The following SETBP1 variants were observed in gnomAD, a reference collection of about 807,000 sequenced individuals.
The protein encoded by SETBP1 is SET-binding protein.
In SETBP1, 9 loss-of-function variants were observed where a neutral mutation model predicts 101.0. The ratio of observed to expected loss-of-function variants is 0.09; its 90% CI spans 0.05 to 0.16. The LOEUF (loss-of-function observed/expected upper bound fraction) is 0.16. Among genes scored for constraint, SETBP1 ranks in the 10% least tolerant of loss-of-function variants. The probability of loss-of-function intolerance (pLI) is 1.00; values close to 1 mark genes in which losing one functional copy is unlikely to be tolerated. For synonymous variants in SETBP1, 818 were observed against 788.5 expected (o/e 1.04, Z -0.63); for missense variants, 1,858 against 2,033.8 (o/e 0.91, Z 1.66).
chr18:44,707,288 G>A (rs529416059), intron 2 of SETBP1, among the ~76,000 whole-genome samples: 2 of 152,300 alleles, frequency 1.3e-5, no homozygotes, highest in East Asian at 3.9e-4. Flanking sequence ...AGCATAATCT[G>A]CCACATTTTC....
intron 3 of SETBP1, among the ~76,000 whole-genome samples, chr18:44,892,001 TGAG>T (rs1285667693): frequency 6.6e-6 from 1 of 152,038 alleles, no homozygotes; most frequent in Non-Finnish European, 1.5e-5. Flanking sequence ...ACTCAAAAGT[TGAG>T]GGGAGGAGAA....
intron 2 of SETBP1, among the ~76,000 whole-genome samples, chr18:44,779,934 G>GCA (rs573738760): frequency 6.7e-6 from 1 of 150,218 alleles, no homozygotes; most frequent in Non-Finnish European, 1.5e-5. Flanking sequence ...ACACACGCAC[G>GCA]CACACACACA....
At chr18:44,821,670 T>C (rs1040368101) in intron 2 of SETBP1, among the ~76,000 whole-genome samples, 4 of 152,234 alleles carry the variant, frequency 2.6e-5, no homozygotes, top group African/African-American at 9.6e-5. Context: ...CAGCTGAGTG[T>C]TAAATAAGTG....
intron 4 of SETBP1, among the ~76,000 whole-genome samples, chr18:45,002,028 C>T (rs1017435579): frequency 6.6e-6 from 1 of 152,096 alleles, no homozygotes; most frequent in Admixed American, 6.5e-5. Context: ...ACCACAGATC[C>T]GAAAAGTCTG....
intron 2 of SETBP1, among the ~76,000 whole-genome samples, chr18:44,808,276 CAT>C (rs1385586786): frequency 6.6e-6 from 1 of 152,212 alleles, no homozygotes; most frequent in Non-Finnish European, 1.5e-5. Flanking sequence ...CCCTCCTTCA[CAT>C]GTCTTTATAA....
chr18:44,993,879 G>T (rs1244624636), intron 4 of SETBP1, among the ~76,000 whole-genome samples: 1 of 152,068 alleles, frequency 6.6e-6, no homozygotes, highest in African/African-American at 2.4e-5. Flanking sequence ...CCCACTTTTA[G>T]ATGGATTACA....
chr18:44,744,638 CGCGACGACT>C (rs1441626502), intron 2 of SETBP1, among the ~76,000 whole-genome samples: 3 of 152,172 alleles, frequency 2.0e-5, no homozygotes, highest in South Asian at 2.1e-4. Flanking sequence ...CAGCGCCTGG[CGCGACGACT>C]GCTGGAAGCC....
intron 4 of SETBP1, among the ~76,000 whole-genome samples, chr18:45,036,015 G>GT (rs1423800499): frequency 1.3e-5 from 2 of 152,152 alleles, no homozygotes; most frequent in Admixed American, 6.5e-5. Flanking sequence ...ATATTTGTGG[G>GT]TTTTTTAAAT....
intron 4 of SETBP1, among the ~76,000 whole-genome samples, chr18:45,003,153 T>C (rs1033169099): frequency 5.9e-5 from 9 of 152,216 alleles, no homozygotes; most frequent in Admixed American, 4.6e-4. Flanking sequence ...TCTTTTAAAA[T>C]TATTCATCAG....
intron 2 of SETBP1, among the ~76,000 whole-genome samples, chr18:44,707,615 A>G (rs1341970541): frequency 1.3e-5 from 2 of 152,148 alleles, no homozygotes; most frequent in Non-Finnish European, 2.9e-5. Flanking sequence ...AGCATTCACA[A>G]TCTGCTTTTG....
chr18:44,800,375 G>C (rs898798083), intron 2 of SETBP1, among the ~76,000 whole-genome samples: 3 of 152,134 alleles, frequency 2.0e-5, no homozygotes, highest in African/African-American at 7.2e-5. Flanking sequence ...GATTTATATT[G>C]GGATTCTGTT....
In SETBP1 at chr18:45,066,758, CTTGATT is replaced by C. The variant is rs1482845246; in HGVS notation, c.*3063_*3068del. ...AAATATTTCATTATAAGAGAAACCC[CTTGATT>C]TTTATTTCTTTTTCTTTTGTTTTCT... On this transcript the variant is annotated 3_prime_UTR_variant, in exon 6 of 6. Coordinates refer to ENST00000649279, the MANE Select transcript of SETBP1 (RefSeq NM_015559.3). 2 of 151,788 alleles carry C rather than the reference CTTGATT, an allele frequency of 1.3e-5. No individual in the cohort carries two copies. The highest frequency in any genetic ancestry group is 2.9e-5 in the Non-Finnish European group (2 of 67,968). 9.4% of individuals were successfully genotyped at this position (151,788 alleles called of 1,614,324 possible).
intron 1 of SETBP1, among the ~76,000 whole-genome samples, chr18:44,696,775 G>A (rs377417272): frequency 3.5e-4 from 54 of 152,200 alleles, no homozygotes; most frequent in African/African-American, 1.2e-3. Flanking sequence ...CACAAAGTGT[G>A]GGTAAAAGAC....
chr18:45,059,161 GC>G (rs1196247609), intron 5 of SETBP1, among the ~76,000 whole-genome samples: 4 of 152,180 alleles, frequency 2.6e-5, no homozygotes. Context: ...ATCAACTTCA[GC>G]TTCAACAATA....
chr18:45,041,218 C>A (rs1465509258), intron 5 of SETBP1, among the ~76,000 whole-genome samples: 1 of 152,178 alleles, frequency 6.6e-6, no homozygotes, highest in Non-Finnish European at 1.5e-5. Context: ...TAAATATGGA[C>A]TTCTACTTCT....
In SETBP1 at chr18:44,951,461, C is replaced by A; in HGVS notation, c.2121C>A (p.Ser707Arg). 2 of 1,614,084 alleles carry A rather than the reference C, an allele frequency of 1.2e-6. No individual in the cohort carries two copies. Among genetic ancestry groups the A allele is most frequent in the Non-Finnish European group, 1.7e-6 (2 of 1,180,038 alleles). ...ETSPGAAAIESKLGKQINVSK... is the reference protein window; with the variant it reads ...ETSPGAAAIERKLGKQINVSK... Reference sequence around the variant, plus strand: ...GCCCTGGGGCAGCAGCCATTGAAAGCAAACTGGGCAAGCAGATTAATGTCA... The same window carrying A: ...GCCCTGGGGCAGCAGCCATTGAAAGAAAACTGGGCAAGCAGATTAATGTCA... Residue 707 changes from serine (S) to arginine (R), a missense_variant, in exon 4 of 6, where the codon AGC becomes AGA. Coordinates refer to ENST00000649279, the MANE Select transcript of SETBP1 (RefSeq NM_015559.3). The surrounding 1 kb of genome is among the most constrained non-coding windows in gnomAD (Gnocchi z 7.8).
chr18:44,728,028 T>A (rs1264995795), intron 2 of SETBP1, among the ~76,000 whole-genome samples: 1 of 152,206 alleles, frequency 6.6e-6, no homozygotes, highest in Non-Finnish European at 1.5e-5. Flanking sequence ...ACTTATTAGG[T>A]TCACTCTGAA....
chr18:44,694,113 A>G (rs1288229038), intron 1 of SETBP1, among the ~76,000 whole-genome samples: 1 of 152,208 alleles, frequency 6.6e-6, no homozygotes, highest in African/African-American at 2.4e-5. Context: ...CAGCAAAACA[A>G]TAGTAGATGG....
chr18:44,782,831 A>G (rs961291412), intron 2 of SETBP1, among the ~76,000 whole-genome samples: 4 of 152,208 alleles, frequency 2.6e-5, no homozygotes, highest in Admixed American at 6.5e-5. Context: ...GGAAGACAGC[A>G]TGCCAGGGTG....
Sources: allele counts gnomAD v4.1 joint callset (sites outside exome capture counted in the v4.1 genomes callset), GRCh38; gene constraint gnomAD v4.1.1; non-coding constraint Gnocchi (gnomAD v3.1); transcripts MANE v1.5; gene names NCBI Gene and HGNC (gene_info 2026-07-23, HGNC 2026-07-21).